Variants in TMEM74 observed in about 807,000 individuals in gnomAD.
TMEM74 encodes the protein transmembrane protein 74.
Under a neutral mutation model 18.1 loss-of-function variants are expected in TMEM74, and 13 were observed. That is an observed-to-expected ratio of 0.72 (90% CI 0.47 to 1.14). The LOEUF (loss-of-function observed/expected upper bound fraction) is 1.14, where lower values mean the gene tolerates loss of function less well. Among genes scored for constraint, TMEM74 ranks in the 50% most tolerant of loss-of-function variants. The pLI is 0.00. For synonymous variants in TMEM74, 159 were observed against 146.6 expected, an observed-to-expected ratio of 1.08 and a Z score of -0.61; for missense variants, 372 against 375.9, an observed-to-expected ratio of 0.99 and a Z score of 0.09.
At chr8:108,711,322 G>A (rs1813473148) in intron 1 of TMEM74, among the ~76,000 whole-genome samples, 1 of 152,136 alleles carries the variant, frequency 6.6e-6, no homozygotes, top group African/African-American at 2.4e-5. Context: ...ATTCCATAAA[G>A]AACCCAAAGA....
chr8:108,768,576 T>A (rs749135242), intron 1 of TMEM74, among the ~76,000 whole-genome samples: 6 of 152,204 alleles, frequency 3.9e-5, no homozygotes, highest in Non-Finnish European at 8.8e-5. Flanking sequence ...GCTCCTCCTG[T>A]AACCCAAGTG....
chr8:108,655,790 G>A (rs892703378), intron 1 of TMEM74, among the ~76,000 whole-genome samples: 2 of 152,116 alleles, frequency 1.3e-5, no homozygotes, highest in Admixed American at 6.6e-5. Context: ...AAATTGGATA[G>A]TAAACAAGGT....
intron 1 of TMEM74, among the ~76,000 whole-genome samples, chr8:108,725,604 C>A (rs10112100): frequency 0.067 from 10,167 of 152,118 alleles, 941 homozygotes; most frequent in African/African-American, 0.21. Flanking sequence ...AAATACTCAG[C>A]TATCCTAAGA....
At chr8:108,745,890 CTTG>C (rs1349543778) in intron 1 of TMEM74, among the ~76,000 whole-genome samples, 1 of 152,120 alleles carries the variant, frequency 6.6e-6, no homozygotes, top group Non-Finnish European at 1.5e-5. Context: ...AAATCCCTAT[CTTG>C]TTGTGTTCTG....
intron 1 of TMEM74, among the ~76,000 whole-genome samples, chr8:108,761,875 G>T (rs1175488293): frequency 1.3e-5 from 2 of 152,028 alleles, no homozygotes; most frequent in Non-Finnish European, 2.9e-5. Context: ...CAAACACTGT[G>T]ATTTGCTATC....
chr8:108,679,453 G>T (rs1432708947), intron 1 of TMEM74, among the ~76,000 whole-genome samples: 1 of 152,194 alleles, frequency 6.6e-6, no homozygotes, highest in Non-Finnish European at 1.5e-5. Context: ...ACTGGTGTGA[G>T]ATGGTATCTC....
chr8:108,642,404 A>G (rs904972702), intron 2 of TMEM74, among the ~76,000 whole-genome samples: 1 of 151,942 alleles, frequency 6.6e-6, no homozygotes, highest in African/African-American at 2.4e-5. Context: ...AAAAAAAAAA[A>G]AAAAGAGAGA....
intron 1 of TMEM74, among the ~76,000 whole-genome samples, chr8:108,674,302 T>A (rs1813032257): frequency 1.3e-5 from 2 of 152,178 alleles, no homozygotes; most frequent in Non-Finnish European, 2.9e-5. Context: ...TTTGTATGTG[T>A]ATATGTGTGC....
At chr8:108,702,310 A>C (rs1414997537) in intron 1 of TMEM74, among the ~76,000 whole-genome samples, 1 of 146,296 alleles carries the variant, frequency 6.8e-6, no homozygotes, top group African/African-American at 2.6e-5. Context: ...GAGCCACTGC[A>C]CTCCAGCCCT....
In TMEM74 at chr8:108,742,462, G is replaced by A. The variant is rs1456473306; in HGVS notation, n.119+45014C>T. ...CATTTATTAGATTCCTGTTTTATAC[G>A]AAGCATAGTTCTCAACACTGTGGCT... On this transcript the variant is annotated intron_variant and non_coding_transcript_variant, in intron 1 of 3. Coordinates refer to the TMEM74 transcript ENST00000518838. Among the ~76,000 whole-genome samples, 6 of 152,196 alleles carry A rather than the reference G, an allele frequency of 3.9e-5. No individual in the cohort carries two copies. The East Asian group carries it at 7.7e-4, about 20-fold the overall frequency.
At chr8:108,649,734 T>C (rs1812754120) in intron 2 of TMEM74, among the ~76,000 whole-genome samples, 1 of 152,144 alleles carries the variant, frequency 6.6e-6, no homozygotes, top group Non-Finnish European at 1.5e-5. Flanking sequence ...AACCCTAAGT[T>C]TGTGGTAGTT....
intron 1 of TMEM74, among the ~76,000 whole-genome samples, chr8:108,701,011 T>C (rs1813330013): frequency 1.3e-5 from 2 of 152,226 alleles, no homozygotes; most frequent in Admixed American, 1.3e-4. Context: ...GCAAATCAAA[T>C]CCAGCAATGT....
intron 1 of TMEM74, among the ~76,000 whole-genome samples, chr8:108,703,566 T>G (rs919908286): frequency 6.6e-6 from 1 of 152,036 alleles, no homozygotes; most frequent in Non-Finnish European, 1.5e-5. Flanking sequence ...TGCATTAGGG[T>G]CATAGAAGGA....
intron 2 of TMEM74, among the ~76,000 whole-genome samples, chr8:108,644,481 G>A (rs747786621): frequency 6.6e-6 from 1 of 151,960 alleles, no homozygotes; most frequent in Non-Finnish European, 1.5e-5. Flanking sequence ...CAATTGCACC[G>A]AAACCAAAAA....
chr8:108,776,902 A>G (rs1814240588), downstream of TMEM74, among the ~76,000 whole-genome samples: 1 of 152,154 alleles, frequency 6.6e-6, no homozygotes, highest in South Asian at 2.1e-4. Flanking sequence ...TCATCTGACA[A>G]TTGGGCCCAA....
At chr8:108,756,662 A>AG (rs1813972712) in intron 1 of TMEM74, among the ~76,000 whole-genome samples, 1 of 84,156 alleles carries the variant, frequency 1.2e-5, no homozygotes, top group African/African-American at 5.8e-5. Context: ...GAAAGAAAGA[A>AG]AGAAAGAAAG....
At chr8:108,680,096 A>G (rs1457427662) in intron 1 of TMEM74, among the ~76,000 whole-genome samples, 1 of 152,192 alleles carries the variant, frequency 6.6e-6, no homozygotes, top group African/African-American at 2.4e-5. Context: ...TACAAGGAGG[A>G]GCTGATACCA....
intron 1 of TMEM74, among the ~76,000 whole-genome samples, chr8:108,671,052 A>G (rs938874565): frequency 6.6e-6 from 1 of 152,196 alleles, no homozygotes; most frequent in Non-Finnish European, 1.5e-5. Flanking sequence ...TAGTCCTCTC[A>G]GTGGTTTTTG....
chr8:108,639,746 T>C (rs1176780348), intron 2 of TMEM74, among the ~76,000 whole-genome samples: 4 of 152,114 alleles, frequency 2.6e-5, no homozygotes, highest in African/African-American at 9.7e-5. Context: ...CACAGTACTT[T>C]TGATGACTCA....
Sources: gnomAD v4.1 joint callset for allele counts (sites outside exome capture counted in the v4.1 genomes callset) on GRCh38, gnomAD v4.1.1 for gene constraint, MANE v1.5 for transcripts, NCBI Gene and HGNC (gene_info 2026-07-23, HGNC 2026-07-21) for gene names.